DLG2: variants seen among roughly 807,000 people sequenced by gnomAD.
DLG2 encodes disks large homolog 2.
In DLG2, 45 loss-of-function variants were observed where a neutral mutation model predicts 132.5. The ratio of observed to expected loss-of-function variants is 0.34; its 90% CI spans 0.27 to 0.44. The LOEUF is 0.44. Among genes scored for constraint, DLG2 ranks in the 20% least tolerant of loss-of-function variants. The pLI is 1.00. For missense variants in DLG2, 1,045 were observed against 1,196.9 expected (o/e 0.87, Z 1.87); for synonymous variants, 424 against 419.6 (o/e 1.01, Z -0.13).
Position 83,458,284 on chromosome 11 carries a change from C to G in DLG2, c.*1534G>C, listed in dbSNP as rs550300545. ...ACTCTAAAGTGGGAAACCAACTCTT[C>G]TAGTTCAGTTTATAGGCTTTGGGAG... is the stretch of plus-strand genomic sequence containing the variant. On this transcript the variant is annotated 3_prime_UTR_variant, in exon 28 of 28. Coordinates refer to ENST00000376104, the MANE Select transcript of DLG2 (RefSeq NM_001142699.3). The G allele has an allele frequency of 1.3e-5, 2 of 152,736 alleles. No individual in the cohort carries two copies. Among genetic ancestry groups the G allele is most frequent in the South Asian group, 4.1e-4 (2 of 4,826 alleles). 9.5% of individuals were successfully genotyped at this position (152,736 alleles called of 1,614,324 possible).
intron 6 of DLG2, among the ~76,000 whole-genome samples, chr11:84,952,925 G>A (rs914177281): frequency 1.3e-5 from 2 of 152,154 alleles, no homozygotes; most frequent in Non-Finnish European, 1.5e-5. Context: ...AAACTTCTTA[G>A]CCTTTTCAAC....
intron 10 of DLG2, among the ~76,000 whole-genome samples, chr11:84,094,393 T>C (rs944316670): frequency 1.3e-5 from 2 of 152,154 alleles, no homozygotes; most frequent in Non-Finnish European, 2.9e-5. Context: ...TAATTTAGAG[T>C]TCAGATTTAC....
At chr11:83,545,744 G>T (rs557225517) in intron 19 of DLG2, among the ~76,000 whole-genome samples, 675 of 152,120 alleles carry the variant, frequency 4.4e-3, no homozygotes, top group South Asian at 6.7e-3. Context: ...TCAGCAACAG[G>T]TTCTTTCCAC....
intron 18 of DLG2, among the ~76,000 whole-genome samples, chr11:83,652,458 C>T (rs923132837): frequency 8.5e-5 from 13 of 152,142 alleles, no homozygotes; most frequent in Non-Finnish European, 1.6e-4. Context: ...GCAACCTCCG[C>T]CTCCTGGGTT....
At chr11:85,116,333 A>C (rs1340178314) in intron 5 of DLG2, among the ~76,000 whole-genome samples, 1 of 149,900 alleles carries the variant, frequency 6.7e-6, no homozygotes, top group South Asian at 2.3e-4. Context: ...TTTTTCAAAA[A>C]GTTTGAGGAA....
intron 19 of DLG2, among the ~76,000 whole-genome samples, chr11:83,565,858 T>A (rs931226125): frequency 1.3e-5 from 2 of 152,184 alleles, no homozygotes; most frequent in African/African-American, 4.8e-5. Context: ...CTGTACTTAG[T>A]ACAAAGCCAG....
intron 6 of DLG2, among the ~76,000 whole-genome samples, chr11:84,691,524 C>A (rs10792771): frequency 1 from 151,950 of 151,950 alleles, 75,975 homozygotes; most frequent in Non-Finnish European, 1. Context: ...TGGTAACTAC[C>A]AATCATTCTT....
chr11:84,224,606 G>A (rs1319791609), intron 8 of DLG2, among the ~76,000 whole-genome samples: 3 of 152,114 alleles, frequency 2.0e-5, no homozygotes, highest in Non-Finnish European at 4.4e-5. Flanking sequence ...CTATGTGATA[G>A]ATATTATTAT....
In DLG2 at chr11:85,377,784, C is replaced by CATATATATATATAT. The variant is rs35941912; in HGVS notation, c.41-92433_41-92420dup. Among the ~76,000 whole-genome samples the CATATATATATATAT allele has an allele frequency of 1.1e-4, 14 of 130,280 alleles. No individual in the cohort carries two copies. The East Asian group carries it at 1.3e-3, about 12-fold the overall frequency. The allele number at this position is 130,280 out of a possible 152,430, so 85.5% of individuals were successfully genotyped here. A position where few individuals can be genotyped will look rare whatever the true frequency, so the allele number is the denominator to read the frequency against. ...GCTAAGTGCAATTTGTGTGTGTATA[C>CATATATATATATAT]ATATATATATATATATATATGTGTG... On this transcript the variant is annotated intron_variant, in intron 3 of 27. Coordinates refer to ENST00000376104, the MANE Select transcript of DLG2 (RefSeq NM_001142699.3).
At chr11:83,614,497 T>G (rs2436153) in intron 19 of DLG2, among the ~76,000 whole-genome samples, 102,321 of 151,942 alleles carry the variant, frequency 0.67, 34,996 homozygotes, top group African/African-American at 0.79. Context: ...GGTGGGTGGA[T>G]TGCTTGCACC....
In DLG2 at chr11:83,821,454, C is replaced by T. The variant is rs550846340; in HGVS notation, c.1722+12160G>A. On this transcript the variant is annotated intron_variant, in intron 17 of 27. Transcript: ENST00000376104. Reference sequence around the variant, plus strand: ...ATGAATGGATTTTAAATAATGTCAGCGTGAGAAGAATAAGTCATAGTAGTT... The same window carrying T: ...ATGAATGGATTTTAAATAATGTCAGTGTGAGAAGAATAAGTCATAGTAGTT... Among the ~76,000 whole-genome samples the T allele has an allele frequency of 3.3e-5, 5 of 152,198 alleles. No homozygotes were observed. The South Asian group carries it at 6.2e-4, about 19-fold the overall frequency.
chr11:85,420,018 G>T (rs1417630888), intron 3 of DLG2, among the ~76,000 whole-genome samples: 1 of 152,124 alleles, frequency 6.6e-6, no homozygotes, highest in Non-Finnish European at 1.5e-5. Context: ...AGGCATTCTG[G>T]TTTTTGGAAT....
intron 19 of DLG2, among the ~76,000 whole-genome samples, chr11:83,627,343 T>C (rs916899841): frequency 6.6e-6 from 1 of 152,108 alleles, no homozygotes; most frequent in African/African-American, 2.4e-5. Flanking sequence ...TATCTCCTAA[T>C]GCTATCCCTC....
In DLG2 at chr11:83,481,701, G is replaced by A. The variant is rs187173175; in HGVS notation, c.2293+2428C>T. 4.6e-4 allele frequency among the ~76,000 whole-genome samples: 70 copies of A among 152,234 alleles called. 1 individual carries two copies. The highest frequency in any genetic ancestry group is 1.6e-3 in the African/African-American group (67 of 41,572). On this transcript the variant is annotated intron_variant, in intron 22 of 27. Coordinates refer to ENST00000376104, the MANE Select transcript of DLG2 (RefSeq NM_001142699.3). Reference sequence around the variant, plus strand: ...AGGCAATAGGGAAAGAAGTGTGGATGAACCTGTGCAAATCTGTTTTCTGTT... The same window carrying A: ...AGGCAATAGGGAAAGAAGTGTGGATAAACCTGTGCAAATCTGTTTTCTGTT...
rs552913336 is a variant in DLG2 at position 83,731,812 on chromosome 11, T to G, written c.1825+54878A>C. Among the ~76,000 whole-genome samples the G allele has an allele frequency of 2.0e-5, 3 of 152,322 alleles. No individual in the cohort carries two copies. The East Asian group carries it at 5.8e-4, about 29-fold the overall frequency. On this transcript the variant is annotated intron_variant, in intron 18 of 27. Transcript: ENST00000376104. Reference sequence around the variant, plus strand: ...TCGCCAGCATCTATTGTTTCTTGACTTTTTGATAATCTCCATTCTGGCTGC... The same window carrying G: ...TCGCCAGCATCTATTGTTTCTTGACGTTTTGATAATCTCCATTCTGGCTGC...
intron 3 of DLG2, among the ~76,000 whole-genome samples, chr11:85,518,315 A>G (rs1326499937): frequency 6.6e-6 from 1 of 152,194 alleles, no homozygotes; most frequent in Non-Finnish European, 1.5e-5. Flanking sequence ...TGATATAGAC[A>G]ATAAGGTCCA....
intron 21 of DLG2, among the ~76,000 whole-genome samples, chr11:83,500,264 T>G (rs2094397640): frequency 6.6e-6 from 1 of 152,158 alleles, no homozygotes; most frequent in South Asian, 2.1e-4. Flanking sequence ...TGGATGTAAG[T>G]ATCTAGGACG....
intron 4 of DLG2, among the ~76,000 whole-genome samples, chr11:85,277,784 T>C (rs2077981926): frequency 6.6e-6 from 1 of 152,172 alleles, no homozygotes; most frequent in Non-Finnish European, 1.5e-5. Flanking sequence ...AAAAAATCTA[T>C]CCATGATCTT....
At chr11:84,636,541 T>C (rs2099640733) in intron 6 of DLG2, among the ~76,000 whole-genome samples, 1 of 152,206 alleles carries the variant, frequency 6.6e-6, no homozygotes, top group Non-Finnish European at 1.5e-5. Flanking sequence ...TACTGTCATT[T>C]TGGGTACAAA....
Sources: allele counts gnomAD v4.1 joint callset (sites outside exome capture counted in the v4.1 genomes callset), GRCh38; gene constraint gnomAD v4.1.1; transcripts MANE v1.5; gene names NCBI Gene and HGNC (gene_info 2026-07-23, HGNC 2026-07-21).